Variants in ATP9A observed in about 807,000 individuals in gnomAD.
ATP9A encodes probable phospholipid-transporting ATPase IIA.
A neutral mutation model predicts 144.1 loss-of-function variants in ATP9A; 52 were observed. The observed-to-expected ratio is 0.36, with a 90% CI of 0.29 to 0.45. ATP9A has a LOEUF of 0.45. Among genes scored for constraint, ATP9A ranks in the 20% least tolerant of loss-of-function variants. The pLI is 1.00. For synonymous variants in ATP9A, 582 were observed against 557.4 expected (o/e 1.04, Z -0.62); for missense variants, 947 against 1,392.7 (o/e 0.68, Z 5.09).
At chr20:51,616,826 C>T (rs1218747441) in intron 22 of ATP9A, among the ~76,000 whole-genome samples, 4 of 152,298 alleles carry the variant, frequency 2.6e-5, no homozygotes, top group South Asian at 4.1e-4. Flanking sequence ...CCACACTCTT[C>T]CATAGCGCCC....
chr20:51,608,287 A>G (rs1483491536), intron 25 of ATP9A, among the ~76,000 whole-genome samples: 1 of 152,114 alleles, frequency 6.6e-6, no homozygotes, highest in Admixed American at 6.5e-5. Context: ...TTTATCTATT[A>G]CTGTACTTTT....
chr20:51,731,900 C>G (rs540115821), intron 1 of ATP9A, among the ~76,000 whole-genome samples: 1 of 151,966 alleles, frequency 6.6e-6, no homozygotes, highest in South Asian at 2.1e-4. Flanking sequence ...AAAGGGGGAG[C>G]GGGGGAATCT....
intron 15 of ATP9A, among the ~76,000 whole-genome samples, chr20:51,638,473 A>G (rs1231827967): frequency 6.6e-6 from 1 of 152,016 alleles, no homozygotes. Flanking sequence ...AAATCAGACA[A>G]TCATGCAGAC....
intron 18 of ATP9A, among the ~76,000 whole-genome samples, chr20:51,624,581 TCA>T (rs1274471487): frequency 1.3e-5 from 2 of 152,118 alleles, no homozygotes; most frequent in Non-Finnish European, 2.9e-5. Flanking sequence ...GGCGTGCTGA[TCA>T]CTCAACTAGA....
intron 14 of ATP9A, among the ~76,000 whole-genome samples, chr20:51,656,215 G>T (rs1373972969): frequency 1.4e-5 from 1 of 71,614 alleles, no homozygotes; most frequent in Admixed American, 1.5e-4. Context: ...TGTGATGATG[G>T]TTGCAAAAAA....
At position 51,729,935 on chromosome 20, in the gene ATP9A, G is replaced by T; in HGVS notation, c.112C>A (p.Pro38Thr). 1 of 1,588,536 alleles carries T rather than the reference G, an allele frequency of 6.3e-7. No homozygotes were observed. The highest frequency in any genetic ancestry group is 8.5e-7 in the Non-Finnish European group (1 of 1,171,354). ...LRCCGGGEAR[P>T]RTVWLGHPEK... ...GGGTGCCCCAGCCAGACAGTGCGGG[G>T]CCTGGCCTCCCCTCCACCGCAGCAT... Residue 38 changes from proline (P) to threonine (T), a missense_variant, in exon 2 of 28, where the codon CCC becomes ACC. Physicochemically the swap from Pro to Thr is conservative, Grantham distance 38 (BLOSUM62 -1). Around this residue, in one of 2 missense-constraint regions of ATP9A, gnomAD observed 770 missense variants for 1,047.9 expected, o/e 0.73. Coordinates refer to ENST00000338821, the MANE Select transcript of ATP9A (RefSeq NM_006045.3).
rs78700474 is a variant in ATP9A at position 51,598,762 on chromosome 20, G to C, written c.*2449C>G. On this transcript the variant is annotated 3_prime_UTR_variant, in exon 28 of 28. Coordinates refer to ENST00000338821, the MANE Select transcript of ATP9A (RefSeq NM_006045.3). ...TGCGTCTCCAGTGTCTGAGAAGCAC[G>C]GTGTGTGCATTCCTAGGTGTTCAGG... 6.6e-6 allele frequency: 1 copy of C among 152,270 alleles called. No homozygotes were observed. Among genetic ancestry groups the C allele is most frequent in the Admixed American group, 6.5e-5 (1 of 15,286 alleles). The allele number at this position is 152,270 out of a possible 1,614,324, so 9.4% of individuals were successfully genotyped here.
chr20:51,638,111 A>ATATATGTATG (rs2077302353), intron 15 of ATP9A, among the ~76,000 whole-genome samples: 1 of 85,338 alleles, frequency 1.2e-5, no homozygotes, highest in African/African-American at 5.1e-5. Flanking sequence ...ATATATATAT[A>ATATATGTATG]TATATATATA....
chr20:51,639,768 G>A (rs895989975), intron 14 of ATP9A, among the ~76,000 whole-genome samples: 1 of 152,138 alleles, frequency 6.6e-6, no homozygotes, highest in Non-Finnish European at 1.5e-5. Flanking sequence ...CCAGAGGCAT[G>A]GCGGAAAGAG....
intron 7 of ATP9A, among the ~76,000 whole-genome samples, chr20:51,691,680 A>G (rs907754642): frequency 3.3e-5 from 5 of 152,250 alleles, no homozygotes; most frequent in Admixed American, 1.3e-4. Flanking sequence ...AGCTATGGAA[A>G]CAGCACTTCC....
intron 27 of ATP9A, 56 bp from the exon 28 acceptor site, chr20:51,601,403 T>G: frequency 6.6e-7 from 1 of 1,514,056 alleles, no homozygotes; most frequent in Non-Finnish European, 8.9e-7. Flanking sequence ...GGAAGGTGCA[T>G]GGGGTCCAGA....
intron 19 of ATP9A, 35 bp from the exon 20 acceptor site, chr20:51,619,078 C>T: frequency 6.4e-7 from 1 of 1,573,056 alleles, no homozygotes; most frequent in Non-Finnish European, 8.7e-7. Context: ...GGAGGCATTG[C>T]TCTCCGGACA....
intron 14 of ATP9A, among the ~76,000 whole-genome samples, chr20:51,655,861 A>G (rs2077384806): frequency 6.7e-6 from 1 of 149,848 alleles, no homozygotes; most frequent in South Asian, 2.1e-4. Flanking sequence ...ATCTATATAG[A>G]CAAAAAAAAA....
intron 14 of ATP9A, among the ~76,000 whole-genome samples, chr20:51,640,699 G>A (rs1422408172): frequency 6.6e-6 from 1 of 152,188 alleles, no homozygotes; most frequent in Non-Finnish European, 1.5e-5. Flanking sequence ...TCAAAGGCAT[G>A]AGGGTTGCAA....
chr20:51,683,206 C>T (rs1232148279), intron 9 of ATP9A, among the ~76,000 whole-genome samples: 2 of 152,144 alleles, frequency 1.3e-5, no homozygotes, highest in African/African-American at 4.8e-5. Flanking sequence ...CCCACCTCAG[C>T]TTCCTGTATA....
chr20:51,693,394 G>A (rs1377919694), intron 7 of ATP9A, among the ~76,000 whole-genome samples: 1 of 152,224 alleles, frequency 6.6e-6, no homozygotes, highest in Non-Finnish European at 1.5e-5. Context: ...AGGCAGAGGA[G>A]AGAGGGCCAG....
At position 51,671,181 on chromosome 20, in the gene ATP9A, C is replaced by T. The variant is rs371684890; in HGVS notation, c.1114G>A (p.Val372Met). The T allele has an allele frequency of 5.0e-6, 8 of 1,614,122 alleles. No individual in the cohort carries two copies. In the Admixed American group the frequency reaches 8.3e-5, roughly 17 times the overall value. Residue 372 changes from valine (V) to methionine (M), a missense_variant, in exon 12 of 28, where the codon GTG becomes ATG. This residue lies in a region of ATP9A where 770 missense variants were observed against 1,047.9 expected (regional missense o/e 0.73). Coordinates refer to ENST00000338821, the MANE Select transcript of ATP9A (RefSeq NM_006045.3). The stretch of plus-strand genomic sequence containing the variant: ...TCAGGAATCGTGCTGGAGCGAACCA[C>T]GGTCCCGGGGATTTTCGAGTCCCTT... ...IRRDSKIPGT[V>M]VRSSTIPEQL...
intron 13 of ATP9A, among the ~76,000 whole-genome samples, chr20:51,659,381 T>TA (rs1268707225): frequency 6.6e-6 from 1 of 152,230 alleles, no homozygotes; most frequent in East Asian, 1.9e-4. Context: ...CAGTGTCTGG[T>TA]ATGTAACAGA....
At chr20:51,657,392 G>A (rs574035305) in intron 13 of ATP9A, among the ~76,000 whole-genome samples, 3 of 152,106 alleles carry the variant, frequency 2.0e-5, no homozygotes, top group Non-Finnish European at 2.9e-5. Context: ...GAACGAGAAC[G>A]ATTCTACCTG....
Sources: allele counts gnomAD v4.1 joint callset (sites outside exome capture counted in the v4.1 genomes callset), GRCh38; gene constraint gnomAD v4.1.1; regional missense constraint gnomAD v4.1.1; transcripts MANE v1.5; gene names NCBI Gene and HGNC (gene_info 2026-07-23, HGNC 2026-07-21).